The following HSDL2 variants were observed in gnomAD, a reference collection of about 807,000 sequenced individuals.
The protein encoded by HSDL2 is hydroxysteroid dehydrogenase-like protein 2.
A neutral mutation model predicts 46.3 loss-of-function variants in HSDL2; 27 were observed. That is an observed-to-expected ratio of 0.58 (90% CI 0.43 to 0.80). HSDL2 has a LOEUF of 0.80. HSDL2 is among the 30% of genes least tolerant of loss of function. The pLI is 0.00. For missense variants in HSDL2, 451 were observed against 502.7 expected, an observed-to-expected ratio of 0.90 and a Z score of 0.98; for synonymous variants, 153 against 163.6, an observed-to-expected ratio of 0.94 and a Z score of 0.50.
intron 6 of HSDL2, among the ~76,000 whole-genome samples, chr9:112,428,771 C>T (rs1014258131): frequency 1.3e-5 from 2 of 152,160 alleles, no homozygotes; most frequent in African/African-American, 2.4e-5. Context: ...TTCTCAATTA[C>T]CCTTCCTCAC....
chr9:112,420,912 G>A (rs1438814441), intron 6 of HSDL2, among the ~76,000 whole-genome samples: 3 of 151,800 alleles, frequency 2.0e-5, no homozygotes, highest in Admixed American at 6.6e-5. Context: ...CAGCCTCAAC[G>A]TGTGTGTTTA....
intron 1 of HSDL2, 111 bp from the exon 2 acceptor site, chr9:112,403,884 A>G: frequency 8.5e-7 from 1 of 1,177,934 alleles, no homozygotes; most frequent in East Asian, 2.4e-5. Flanking sequence ...GGTTTAGAGA[A>G]AATTTCACAG....
intron 1 of HSDL2, among the ~76,000 whole-genome samples, chr9:112,400,398 A>G (rs189577791): frequency 1.6e-3 from 251 of 152,240 alleles, no homozygotes; most frequent in South Asian, 7.7e-3. Flanking sequence ...CATGAGGTCA[A>G]GAGATCAAGA....
chr9:112,402,812 T>C (rs1831637922), intron 1 of HSDL2, among the ~76,000 whole-genome samples: 1 of 152,024 alleles, frequency 6.6e-6, no homozygotes, highest in Non-Finnish European at 1.5e-5. Context: ...TCCCAGCTAC[T>C]TGGGAGGCTG....
chr9:112,469,990 T>G (rs1459396469), intron 10 of HSDL2, among the ~76,000 whole-genome samples: 1 of 152,218 alleles, frequency 6.6e-6, no homozygotes, highest in Non-Finnish European at 1.5e-5. Flanking sequence ...ATATTTTGTG[T>G]CCATACACTA....
intron 10 of HSDL2, chr9:112,469,802 C>T (rs894739955): frequency 6.6e-6 from 1 of 152,016 alleles, no homozygotes; most frequent in African/African-American, 2.4e-5. Context: ...TCTGTTTCCT[C>T]ATTAATTCCA....
Position 112,380,129 on chromosome 9 carries a change from G to A in HSDL2, c.-35G>A. On this transcript the variant is annotated 5_prime_UTR_variant, in exon 1 of 11. Coordinates refer to ENST00000398805, the MANE Select transcript of HSDL2 (RefSeq NM_032303.5). Reference sequence around the variant, plus strand: ...CTTTAGCTCTCTGCTCGCCGCCGCCGCTGTCGCCGCCACCTCCTCTGATCT... The same window carrying A: ...CTTTAGCTCTCTGCTCGCCGCCGCCACTGTCGCCGCCACCTCCTCTGATCT... The A allele has an allele frequency of 6.4e-7, 1 of 1,552,274 alleles. No individual in the cohort carries two copies. Among genetic ancestry groups the A allele is most frequent in the Non-Finnish European group, 8.7e-7 (1 of 1,144,808 alleles).
At chr9:112,463,323 G>C (rs1467622635) in intron 10 of HSDL2, among the ~76,000 whole-genome samples, 1 of 150,398 alleles carries the variant, frequency 6.6e-6, no homozygotes, top group Non-Finnish European at 1.5e-5. Flanking sequence ...GCCCAGGCTG[G>C]TCTTGAACTT....
At chr9:112,439,758 C>T (rs554678437) in intron 7 of HSDL2, among the ~76,000 whole-genome samples, 3 of 152,204 alleles carry the variant, frequency 2.0e-5, no homozygotes, top group Non-Finnish European at 2.9e-5. Flanking sequence ...CAATTCTGTA[C>T]GGAAAGTAAT....
intron 10 of HSDL2, chr9:112,469,674 AAAAAAAAAAAAAAAAGG>A (rs955350357): frequency 6.6e-6 from 1 of 151,090 alleles, no homozygotes; most frequent in African/African-American, 2.5e-5. Flanking sequence ...CTCAAAAAAA[AAAAAAAAAAAAAAAAGG>A]AAAAAAAGTC....
Position 112,470,691 on chromosome 9 carries a change from T to C in HSDL2, c.*147T>C, listed in dbSNP as rs1045646805. ...AAGATAGAATTTGTCTCTAAAAGAC[T>C]TGAAATTGTAATTAAAATGGCAAGC... On this transcript the variant is annotated 3_prime_UTR_variant, in exon 11 of 11. Coordinates refer to ENST00000398805, the MANE Select transcript of HSDL2 (RefSeq NM_032303.5). 13 of 520,008 alleles carry C rather than the reference T, an allele frequency of 2.5e-5. No individual in the cohort carries two copies. The highest frequency in any genetic ancestry group is 2.4e-4 in the African/African-American group (12 of 50,956). 32.2% of individuals were successfully genotyped at this position (520,008 alleles called of 1,614,324 possible).
At chr9:112,421,202 C>CT (rs1288022642) in intron 6 of HSDL2, among the ~76,000 whole-genome samples, 1 of 152,088 alleles carries the variant, frequency 6.6e-6, no homozygotes, top group Admixed American at 6.6e-5. Context: ...TGGAGCATGC[C>CT]TGTGGTCACA....
In HSDL2 at chr9:112,470,634, A is replaced by G. The variant is rs1833551327; in HGVS notation, c.*90A>G. The G allele has an allele frequency of 4.2e-6, 3 of 708,462 alleles. No homozygotes were observed. The highest frequency in any genetic ancestry group is 1.8e-5 in the African/African-American group (1 of 55,168). 43.9% of individuals were successfully genotyped at this position (708,462 alleles called of 1,614,324 possible). A position where few individuals can be genotyped will look rare whatever the true frequency, so the allele number is the denominator to read the frequency against. On this transcript the variant is annotated 3_prime_UTR_variant, in exon 11 of 11. Coordinates refer to ENST00000398805, the MANE Select transcript of HSDL2 (RefSeq NM_032303.5). ...TCTAATGTTTGTTTTCTTTCCTGTTATATTATAAGGATATGCACGTTTGTT... is the reference window on the plus strand; with the variant it reads ...TCTAATGTTTGTTTTCTTTCCTGTTGTATTATAAGGATATGCACGTTTGTT...
At chr9:112,460,616 G>A (rs1206237058) in intron 10 of HSDL2, among the ~76,000 whole-genome samples, 2 of 152,070 alleles carry the variant, frequency 1.3e-5, no homozygotes, top group African/African-American at 4.8e-5. Context: ...GGGTGTGCTG[G>A]TGCGCACCTG....
intron 6 of HSDL2, among the ~76,000 whole-genome samples, chr9:112,435,254 T>C (rs992553345): frequency 6.6e-6 from 1 of 152,104 alleles, no homozygotes; most frequent in Non-Finnish European, 1.5e-5. Flanking sequence ...AGCATGTATA[T>C]ACTTATACAT....
chr9:112,429,802 T>C (rs1832342785), intron 6 of HSDL2, among the ~76,000 whole-genome samples: 1 of 152,174 alleles, frequency 6.6e-6, no homozygotes, highest in Non-Finnish European at 1.5e-5. Flanking sequence ...TAGAAAGGTT[T>C]GGCATTAGGC....
intron 3 of HSDL2, among the ~76,000 whole-genome samples, chr9:112,408,370 G>A (rs977039419): frequency 5.9e-5 from 9 of 152,108 alleles, no homozygotes; most frequent in Admixed American, 4.6e-4. Flanking sequence ...CTGGCAATTG[G>A]CTATATCTCC....
intron 10 of HSDL2, among the ~76,000 whole-genome samples, chr9:112,461,981 A>G (rs1833223426): frequency 1.3e-5 from 2 of 152,186 alleles, no homozygotes. Context: ...TATCAAGTAT[A>G]TTTTATAGGT....
chr9:112,471,032 T>A lies in HSDL2; in HGVS notation c.*488T>A, dbSNP rs1833562070. 1 of 152,208 alleles carries A rather than the reference T, an allele frequency of 6.6e-6. No homozygotes were observed. The highest frequency in any genetic ancestry group is 2.1e-4 in the South Asian group (1 of 4,836). The allele number at this position is 152,208 out of a possible 1,614,324, so 9.4% of individuals were successfully genotyped here. A position where few individuals can be genotyped will look rare whatever the true frequency, so the allele number is the denominator to read the frequency against. ...TTTACAAAAATTATAAAAAATGAATTAGTACTGGCGAGGACTAAATGAAAC... is the reference window on the plus strand; with the variant it reads ...TTTACAAAAATTATAAAAAATGAATAAGTACTGGCGAGGACTAAATGAAAC... On this transcript the variant is annotated 3_prime_UTR_variant, in exon 11 of 11. Transcript: ENST00000398805.
Sources: gnomAD v4.1 joint callset for allele counts (sites outside exome capture counted in the v4.1 genomes callset) on GRCh38, gnomAD v4.1.1 for gene constraint, MANE v1.5 for transcripts, NCBI Gene and HGNC (gene_info 2026-07-23, HGNC 2026-07-21) for gene names.